The following ESRRG variants were observed in gnomAD, a reference collection of about 807,000 sequenced individuals.
The protein encoded by ESRRG is estrogen-related receptor gamma.
A neutral mutation model predicts 44.0 loss-of-function variants in ESRRG; 13 were observed. The observed-to-expected ratio is 0.30, with a 90% CI of 0.19 to 0.47. The LOEUF (loss-of-function observed/expected upper bound fraction) is 0.47. Ranked by LOEUF, ESRRG falls within the 20% of genes least tolerant of loss-of-function variation. ESRRG has a pLI of 1.00. For synonymous variants in ESRRG, 215 were observed against 214.6 expected, an observed-to-expected ratio of 1.00 and a Z score of -0.02; for missense variants, 395 against 580.6, an observed-to-expected ratio of 0.68 and a Z score of 3.29.
At chr1:217,048,891 A>C (rs7513573) in intron 1 of ESRRG, among the ~76,000 whole-genome samples, 84,751 of 151,966 alleles carry the variant, frequency 0.56, 24,016 homozygotes, top group Non-Finnish European at 0.61. Flanking sequence ...TTTGAAAATG[A>C]ACATTGAATT....
intron 2 of ESRRG, among the ~76,000 whole-genome samples, chr1:216,654,187 A>T (rs750790536): frequency 6.6e-6 from 1 of 152,066 alleles, no homozygotes; most frequent in African/African-American, 2.4e-5. Context: ...ACTTATAATA[A>T]CTTAGAATTT....
At chr1:216,657,639 G>A (rs2070973742) in intron 2 of ESRRG, among the ~76,000 whole-genome samples, 2 of 152,086 alleles carry the variant, frequency 1.3e-5, no homozygotes, top group Admixed American at 6.5e-5. Context: ...ATAAGGAATG[G>A]GTACTATCAC....
chr1:216,737,813 G>T (rs1159160950), intron 2 of ESRRG, among the ~76,000 whole-genome samples: 1 of 151,474 alleles, frequency 6.6e-6, no homozygotes, highest in Non-Finnish European at 1.5e-5. Context: ...TGCTTACTCA[G>T]TAAGATTGTT....
chr1:216,759,064 G>A (rs1336322732), intron 2 of ESRRG, among the ~76,000 whole-genome samples: 1 of 152,020 alleles, frequency 6.6e-6, no homozygotes, highest in Non-Finnish European at 1.5e-5. Flanking sequence ...TATGTTCCTA[G>A]CCATAAGGCC....
intron 2 of ESRRG, among the ~76,000 whole-genome samples, chr1:216,901,733 T>C (rs117422684): frequency 8.3e-4 from 126 of 151,926 alleles, no homozygotes; most frequent in East Asian, 4.1e-3. Context: ...TCTTAAAAAG[T>C]AATTAGTGGC....
In ESRRG at chr1:216,991,727, A is replaced by T. The variant is rs115157015; in HGVS notation, c.-105-52054T>A. ...TTGAAGAACAAGAAACAGGAAAGGGAGGTAGAGTGTGATAAGCCATGGCTA... is the reference window on the plus strand; with the variant it reads ...TTGAAGAACAAGAAACAGGAAAGGGTGGTAGAGTGTGATAAGCCATGGCTA... On this transcript the variant is annotated intron_variant, in intron 1 of 7. Coordinates refer to the ESRRG transcript ENST00000359162. Among the ~76,000 whole-genome samples the T allele has an allele frequency of 2.1e-3, 316 of 151,900 alleles. 2 individuals are homozygous for T. The highest frequency in any genetic ancestry group is 7.1e-3 in the African/African-American group (292 of 41,398).
In ESRRG at chr1:216,519,226, A is replaced by G. The variant is rs2045318767; in HGVS notation, c.1058T>C (p.Val353Ala). Residue 353 changes from valine to alanine, a missense_variant, in exon 6 of 7, where the codon GTA becomes GCA. Coordinates refer to ENST00000408911, the MANE Select transcript of ESRRG (RefSeq NM_001438.4). ...CAGCTTCATGCTCTTGTATTTCTTT[A>G]CCAGCTGCAGGATAGCATTATTTAG... ...LDLNNAILQLVKKYKSMKLEK... is the reference protein window; with the variant it reads ...LDLNNAILQLAKKYKSMKLEK... 21 of 1,613,680 alleles carry G rather than the reference A, an allele frequency of 1.3e-5. No individual in the cohort carries two copies. The highest frequency in any genetic ancestry group is 1.8e-5 in the Non-Finnish European group (21 of 1,179,702).
At chr1:216,665,882 A>T (rs907516485) in intron 2 of ESRRG, among the ~76,000 whole-genome samples, 1 of 152,202 alleles carries the variant, frequency 6.6e-6, no homozygotes, top group Non-Finnish European at 1.5e-5. Flanking sequence ...ATTATCAGCA[A>T]CTTTAAAAGA....
chr1:216,730,542 G>A (rs2088567147), intron 2 of ESRRG, among the ~76,000 whole-genome samples: 1 of 152,104 alleles, frequency 6.6e-6, no homozygotes, highest in South Asian at 2.1e-4. Flanking sequence ...GGCTGGGCCT[G>A]ACAGTATGCC....
chr1:216,553,236 A>C (rs2056818010), intron 5 of ESRRG, among the ~76,000 whole-genome samples: 1 of 152,094 alleles, frequency 6.6e-6, no homozygotes, highest in Non-Finnish European at 1.5e-5. Context: ...AAACGTGCTG[A>C]CTGGTGGAGG....
chr1:216,916,032 C>CTG (rs142010675), intron 2 of ESRRG, among the ~76,000 whole-genome samples: 60 of 151,360 alleles, frequency 4.0e-4, no homozygotes, highest in African/African-American at 9.2e-4. Context: ...TTCTCTACCA[C>CTG]TGTGTGTGTG....
chr1:217,129,765 G>C (rs562111977), intron 1 of ESRRG, among the ~76,000 whole-genome samples: 1 of 152,260 alleles, frequency 6.6e-6, no homozygotes, highest in South Asian at 2.1e-4. Context: ...CAAACCCATA[G>C]AGACAGAAAG....
chr1:216,521,433 C>A (rs1005185526), intron 5 of ESRRG, among the ~76,000 whole-genome samples: 7 of 150,382 alleles, frequency 4.7e-5, no homozygotes, highest in African/African-American at 1.2e-4. Flanking sequence ...GTAAGAATTT[C>A]TTGTGTAAAT....
intron 1 of ESRRG, among the ~76,000 whole-genome samples, chr1:217,110,622 A>C (rs2092650809): frequency 6.6e-6 from 1 of 152,102 alleles, no homozygotes. Flanking sequence ...TATGGTGAAA[A>C]CAGGAACAGG....
At chr1:216,940,572 A>T (rs942286157) in intron 1 of ESRRG, among the ~76,000 whole-genome samples, 3 of 152,094 alleles carry the variant, frequency 2.0e-5, no homozygotes, top group African/African-American at 4.8e-5. Flanking sequence ...TAAGTAAAAG[A>T]TGTGGAGAAA....
At chr1:216,838,376 TG>T (rs766142030) in intron 2 of ESRRG, among the ~76,000 whole-genome samples, 4 of 152,202 alleles carry the variant, frequency 2.6e-5, no homozygotes, top group Non-Finnish European at 4.4e-5. Context: ...CACTGACAGT[TG>T]GCATTTACAA....
At chr1:216,789,678 T>A (rs1027214984) in intron 2 of ESRRG, among the ~76,000 whole-genome samples, 1 of 152,130 alleles carries the variant, frequency 6.6e-6, no homozygotes, top group African/African-American at 2.4e-5. Context: ...AAAGCTAAGG[T>A]CTGGAGATTA....
intron 3 of ESRRG, among the ~76,000 whole-genome samples, chr1:216,594,290 C>T (rs952058427): frequency 1.3e-5 from 2 of 152,118 alleles, no homozygotes; most frequent in Non-Finnish European, 2.9e-5. Flanking sequence ...TTAGCATTTA[C>T]ATTTGTATTA....
chr1:216,805,933 A>T (rs1415572358), intron 2 of ESRRG, among the ~76,000 whole-genome samples: 1 of 152,060 alleles, frequency 6.6e-6, no homozygotes, highest in Non-Finnish European at 1.5e-5. Flanking sequence ...GGCTGTTATA[A>T]CTCCCTCAGA....
Sources: gnomAD v4.1 joint callset for allele counts (sites outside exome capture counted in the v4.1 genomes callset) on GRCh38, gnomAD v4.1.1 for gene constraint, MANE v1.5 for transcripts, NCBI Gene and HGNC (gene_info 2026-07-23, HGNC 2026-07-21) for gene names.